Variants in DDX25 observed in about 807,000 individuals in gnomAD.
DDX25 encodes DEAD-box helicase 25, also known as ATP-dependent RNA helicase DDX25.
A neutral mutation model predicts 64.6 loss-of-function variants in DDX25; 70 were observed. The ratio of observed to expected loss-of-function variants is 1.08; its 90% CI spans 0.89 to 1.32. The LOEUF is 1.32. DDX25 is among the 40% of genes most tolerant of loss of function. The pLI is 0.00. For missense variants in DDX25, 587 were observed against 604.4 expected (o/e 0.97, Z 0.30); for synonymous variants, 211 against 213.3 (o/e 0.99, Z 0.09).
At position 125,922,901 on chromosome 11, in the gene DDX25, G is replaced by T. The variant is rs118177650; in HGVS notation, c.*20G>T. On this transcript the variant is annotated 3_prime_UTR_variant, in exon 12 of 12. Transcript: ENST00000263576. ...TATTGAAGAAAGAACTTTATTGTTT[G>T]TGCAGTATCCTAGTTTATGTGAGAA... 5.0e-6 allele frequency: 8 copies of T among 1,593,490 alleles called. No homozygotes were observed. Among genetic ancestry groups the T allele is most frequent in the East Asian group, 4.5e-5 (2 of 44,582 alleles).
At chr11:125,907,549 A>G (rs1944910640) in intron 4 of DDX25, among the ~76,000 whole-genome samples, 1 of 152,048 alleles carries the variant, frequency 6.6e-6, no homozygotes, top group Admixed American at 6.5e-5. Context: ...TGGAGCTTGC[A>G]GTGAGCTGAG....
chr11:125,913,471 G>C (rs1944992564), intron 8 of DDX25, among the ~76,000 whole-genome samples: 1 of 152,112 alleles, frequency 6.6e-6, no homozygotes, highest in South Asian at 2.1e-4. Flanking sequence ...GCCCGGATAG[G>C]AATCCTGTGT....
At chr11:125,919,835 A>G (rs918411607) in intron 10 of DDX25, among the ~76,000 whole-genome samples, 5 of 152,238 alleles carry the variant, frequency 3.3e-5, no homozygotes, top group African/African-American at 4.8e-5. Context: ...GAAATGTTCT[A>G]TTCTGTGCTC....
intron 10 of DDX25, among the ~76,000 whole-genome samples, chr11:125,919,324 G>A (rs1945080976): frequency 6.6e-6 from 1 of 152,062 alleles, no homozygotes. Flanking sequence ...GGGGTTGTTG[G>A]GCCCTATGAT....
At chr11:125,909,576 CATATT>C (rs1395245240) in intron 6 of DDX25, among the ~76,000 whole-genome samples, 1 of 151,184 alleles carries the variant, frequency 6.6e-6, no homozygotes, top group East Asian at 1.9e-4. Flanking sequence ...TTATATATAT[CATATT>C]ATGTATTGTA....
At position 125,923,253 on chromosome 11, in the gene DDX25, C is replaced by A. The variant is rs940186105; in HGVS notation, c.*372C>A. The A allele has an allele frequency of 1.7e-5, 3 of 173,918 alleles. No individual in the cohort carries two copies. The highest frequency in any genetic ancestry group is 2.4e-5 in the Non-Finnish European group (2 of 82,500). The allele number at this position is 173,918 out of a possible 1,614,324, so 10.8% of individuals were successfully genotyped here. ...AGCTTCGCTGATTTTGGAAGCGGAGCGAGTAGGAAAAAGCCCATGTCTTCA... is the reference window on the plus strand; with the variant it reads ...AGCTTCGCTGATTTTGGAAGCGGAGAGAGTAGGAAAAAGCCCATGTCTTCA... On this transcript the variant is annotated 3_prime_UTR_variant, in exon 12 of 12. Transcript: ENST00000263576.
At chr11:125,920,915 C>CAT (rs1555106473) in intron 10 of DDX25, 9 of 218,834 alleles carry the variant, frequency 4.1e-5, no homozygotes, top group South Asian at 3.8e-4. Context: ...ACCACACACA[C>CAT]ACATACACAC....
Position 125,924,895 on chromosome 11 carries a change from C to T in DDX25, c.*2014C>T, listed in dbSNP as rs1411165068. ...CTCCTTATCCTACATCTGCCCTTCT[C>T]TCTGGACTGGAAGCTGGTGATCACT... On this transcript the variant is annotated 3_prime_UTR_variant, in exon 12 of 12. Transcript: ENST00000263576. 2 of 152,866 alleles carry T rather than the reference C, an allele frequency of 1.3e-5. No individual in the cohort carries two copies. Among genetic ancestry groups the T allele is most frequent in the Non-Finnish European group, 2.9e-5 (2 of 68,562 alleles). The allele number at this position is 152,866 out of a possible 1,614,324, so 9.5% of individuals were successfully genotyped here.
At position 125,908,124 on chromosome 11, in the gene DDX25, C is replaced by G. The variant is rs1460168905; in HGVS notation, c.312-72C>G. On this transcript the variant is annotated intron_variant, in intron 4 of 11. Transcript: ENST00000263576. ...CAAAGTGACTTAATTTAGAAATGCA[C>G]CTTTCAGGTATGTATTTCTGATGCT... 8 of 1,244,052 alleles carry G rather than the reference C, an allele frequency of 6.4e-6. 1 individual carries two copies. The Admixed American group carries it at 2.0e-4, about 31-fold the overall frequency. 77.1% of individuals were successfully genotyped at this position (1,244,052 alleles called of 1,614,324 possible).
At chr11:125,909,651 CTTTTTTT>C (rs1288646992) in intron 6 of DDX25, among the ~76,000 whole-genome samples, 1 of 139,978 alleles carries the variant, frequency 7.1e-6, no homozygotes, top group Non-Finnish European at 1.6e-5. Context: ...AATAGGCAGT[CTTTTTTT>C]TTTTTTTTGA....
chr11:125,918,524 G>A, intron 9 of DDX25, 104 bp from the exon 10 acceptor site: 4 of 1,449,914 alleles, frequency 2.8e-6, no homozygotes, highest in South Asian at 1.4e-5. Flanking sequence ...CAACTCCTCT[G>A]CAGCCCTCTC....
At chr11:125,908,637 A>G (rs1944927665) in intron 6 of DDX25, 134 bp downstream of exon 6, 2 of 960,678 alleles carry the variant, frequency 2.1e-6, no homozygotes, top group East Asian at 2.5e-5. Context: ...TCATAAAATC[A>G]TAGAGCATTG....
Position 125,921,031 on chromosome 11 carries a change from G to A in DDX25, c.1202-160G>A. 1 of 680,812 alleles carries A rather than the reference G, an allele frequency of 1.5e-6. No homozygotes were observed. 42.2% of individuals were successfully genotyped at this position (680,812 alleles called of 1,614,324 possible). A position where few individuals can be genotyped will look rare whatever the true frequency, so the allele number is the denominator to read the frequency against. On this transcript the variant is annotated intron_variant, in intron 10 of 11. Coordinates refer to ENST00000263576, the MANE Select transcript of DDX25 (RefSeq NM_013264.5). This position sits in a 1 kb window ranked among gnomAD's most constrained non-coding sequence, Gnocchi z 4.1. ...GCATCATAGACATCACAGCATGCAAGCAAACTTCCTAACCAAAGTACCTGT... is the reference window on the plus strand; with the variant it reads ...GCATCATAGACATCACAGCATGCAAACAAACTTCCTAACCAAAGTACCTGT...
intron 4 of DDX25, among the ~76,000 whole-genome samples, chr11:125,907,412 T>A (rs555725232): frequency 6.6e-6 from 1 of 152,020 alleles, no homozygotes; most frequent in African/African-American, 2.4e-5. Flanking sequence ...ATCGAGACCA[T>A]CCTGGCTAAC....
upstream of DDX25, among the ~76,000 whole-genome samples, chr11:125,903,986 G>C (rs1367442935): frequency 1.3e-5 from 2 of 152,246 alleles, no homozygotes; most frequent in African/African-American, 2.4e-5. Context: ...AGCTTGAACA[G>C]TTCTGCTTCC....
chr11:125,910,654 T>C (rs1395490265), intron 7 of DDX25, among the ~76,000 whole-genome samples, 176 bp downstream of exon 7: 1 of 152,222 alleles, frequency 6.6e-6, no homozygotes, highest in Non-Finnish European at 1.5e-5. Context: ...ACACAATGCC[T>C]GGCACGTAGT....
At position 125,910,402 on chromosome 11, in the gene DDX25, A is replaced by G. The variant is rs1309356516; in HGVS notation, c.546A>G (p.Gln182=). The stretch of plus-strand genomic sequence containing the variant: ...CTCCTACTTATGAATTGGCTCTGCA[A>G]ACTGGCCGTGTGGTTGAGCAGATGG... ...CLAPTYELAL[Q]TGRVVEQMGK... is the part of the protein sequence containing the mutation. Residue 182 remains glutamine, a synonymous_variant, in exon 7 of 12, where the codon CAA becomes CAG. Transcript: ENST00000263576. 6.2e-7 allele frequency: 1 copy of G among 1,613,972 alleles called. No homozygotes were observed.
rs1945166676 is a variant in DDX25, at chr11:125,926,253, G to A, written c.*3372G>A. ...CTCAGCCTTGCAGGAGGGTCTTCAGGAGCCCAGCCATCTGGCACATACTGC... is the reference window on the plus strand; with the variant it reads ...CTCAGCCTTGCAGGAGGGTCTTCAGAAGCCCAGCCATCTGGCACATACTGC... On this transcript the variant is annotated 3_prime_UTR_variant, in exon 12 of 12. Transcript: ENST00000263576. The A allele has an allele frequency of 6.6e-6, 1 of 152,354 alleles. No homozygotes were observed. The highest frequency in any genetic ancestry group is 2.4e-5 in the African/African-American group (1 of 41,438). The allele number at this position is 152,354 out of a possible 1,614,324, so 9.4% of individuals were successfully genotyped here. A position where few individuals can be genotyped will look rare whatever the true frequency, so the allele number is the denominator to read the frequency against.
rs1944923565 is a variant in DDX25 at position 125,908,375 on chromosome 11, G to GC, written c.405-23dup. On this transcript the variant is annotated intron_variant, in intron 5 of 11. Coordinates refer to ENST00000263576, the MANE Select transcript of DDX25 (RefSeq NM_013264.5). Reference sequence around the variant, plus strand: ...GCCCACTCTCTTGTATTCAGTTTATGCCCAGTGGTCTTCTCTTTTCTACAG... The same window carrying GC: ...GCCCACTCTCTTGTATTCAGTTTATGCCCCAGTGGTCTTCTCTTTTCTACAG... 1.1e-5 allele frequency: 17 copies of GC among 1,613,642 alleles called. No individual in the cohort carries two copies. In the East Asian group the frequency reaches 3.8e-4, roughly 36 times the overall value.
Sources: allele counts gnomAD v4.1 joint callset (sites outside exome capture counted in the v4.1 genomes callset), GRCh38; gene constraint gnomAD v4.1.1; non-coding constraint Gnocchi (gnomAD v3.1); transcripts MANE v1.5; gene names NCBI Gene and HGNC (gene_info 2026-07-23, HGNC 2026-07-21).